Variants in MUC5B observed in about 807,000 individuals in gnomAD.
MUC5B encodes the protein mucin 5B, oligomeric mucus/gel-forming.
Under a neutral mutation model 376.9 loss-of-function variants are expected in MUC5B, and 116 were observed. The observed-to-expected ratio is 0.31, with a 90% CI of 0.26 to 0.36. The LOEUF (loss-of-function observed/expected upper bound fraction) is 0.36, where lower values mean the gene tolerates loss of function less well. Among genes scored for constraint, MUC5B ranks in the 10% least tolerant of loss-of-function variants. The probability of loss-of-function intolerance (pLI) is 1.00; values close to 1 mark genes in which losing one functional copy is unlikely to be tolerated. For missense variants in MUC5B, 7,165 were observed against 7,769.9 expected, an observed-to-expected ratio of 0.92 and a Z score of 2.93; for synonymous variants, 3,517 against 3,390.9, an observed-to-expected ratio of 1.04 and a Z score of -1.29.
At position 1,243,864 on chromosome 11, in the gene MUC5B, C is replaced by T. The variant is rs1231907280; in HGVS notation, c.6984C>T (p.Tyr2328=). ...CAWSEWLDYS[Y]PMPGPSGGDF... ...GGTCAGAGTGGCTGGACTACAGCTA[C>T]CCCATGCCGGGGCCCTCTGGCGGGG... is the stretch of plus-strand genomic sequence containing the variant. The change falls in exon 31 of 49, where the codon TAC becomes TAT. Residue 2328 remains tyrosine, a synonymous_variant. Transcript: ENST00000529681. The T allele has an allele frequency of 6.2e-7, 1 of 1,611,250 alleles. No individual in the cohort carries two copies. The highest frequency in any genetic ancestry group is 8.5e-7 in the Non-Finnish European group (1 of 1,179,518).
In MUC5B at chr11:1,223,365, C is replaced by T. The variant is rs532388487; in HGVS notation, c.70+172C>T. ...CCCAACACAGGGCTCTGGGGCCCCACGGGCTCACAGTGTCAGGAAACTCAG... is the reference window on the plus strand; with the variant it reads ...CCCAACACAGGGCTCTGGGGCCCCATGGGCTCACAGTGTCAGGAAACTCAG... On this transcript the variant is annotated intron_variant, in intron 1 of 48. Coordinates refer to ENST00000529681, the MANE Select transcript of MUC5B (RefSeq NM_002458.3). 3.5e-5 allele frequency: 24 copies of T among 687,778 alleles called. No individual in the cohort carries two copies. In the East Asian group the frequency reaches 3.8e-4, roughly 11 times the overall value. 42.6% of individuals were successfully genotyped at this position (687,778 alleles called of 1,614,324 possible). A position where few individuals can be genotyped will look rare whatever the true frequency, so the allele number is the denominator to read the frequency against.
intron 48 of MUC5B, among the ~76,000 whole-genome samples, 176 bp downstream of exon 48, chr11:1,260,904 G>C (rs1282624742): frequency 6.6e-6 from 1 of 152,196 alleles, no homozygotes; most frequent in Non-Finnish European, 1.5e-5. Context: ...GAAAGCCTGG[G>C]GCCGCTCTCC....
intron 23 of MUC5B, among the ~76,000 whole-genome samples, chr11:1,235,801 C>G (rs980420818): frequency 2.0e-5 from 3 of 151,614 alleles, no homozygotes; most frequent in Non-Finnish European, 3.0e-5. Context: ...TAGGGCCCCC[C>G]CCCGCCCCCA....
chr11:1,230,513 C>G lies in MUC5B; in HGVS notation c.1383C>G (p.Thr461=), dbSNP rs757243091. 4.3e-6 allele frequency: 7 copies of G among 1,609,900 alleles called. No homozygotes were observed. Among genetic ancestry groups the G allele is most frequent in the Non-Finnish European group, 5.9e-6 (7 of 1,178,206 alleles). Reference sequence around the variant, plus strand: ...AGAAATGTGCCGACAGCAGCTTCACCGTGCTGGCTGAGCTGCGGAAGTGCG... The same window carrying G: ...AGAAATGTGCCGACAGCAGCTTCACGGTGCTGGCTGAGCTGCGGAAGTGCG... ...LSKKCADSSF[T]VLAELRKCGL... is the part of the protein sequence containing the mutation. Residue 461 remains threonine, a synonymous_variant, in exon 12 of 49, where the codon ACC becomes ACG. Transcript: ENST00000529681.
rs1862517445 is a variant in MUC5B, at chr11:1,247,374, C to T, written c.10494C>T (p.Thr3498=). The T allele has an allele frequency of 5.0e-6, 8 of 1,610,646 alleles. No individual in the cohort carries two copies. The highest frequency in any genetic ancestry group is 6.8e-6 in the Non-Finnish European group (8 of 1,179,204). ...STVTSHTPAA[T]TSTTQHSTPA... ...TGACTTCCCACACCCCAGCAGCAAC[C>T]ACCAGTACCACCCAGCACTCGACTC... Residue 3498 remains threonine (T), a synonymous_variant, in exon 31 of 49, where the codon ACC becomes ACT. Coordinates refer to ENST00000529681, the MANE Select transcript of MUC5B (RefSeq NM_002458.3).
In MUC5B at chr11:1,247,506, A is replaced by G. The variant is rs71469870; in HGVS notation, c.10626A>G (p.Thr3542=). 1.6e-3 allele frequency: 2,536 copies of G among 1,604,374 alleles called. 65 individuals carry two copies. The African/African-American group carries it at 0.029, about 18-fold the overall frequency. The change falls in exon 31 of 49, where the codon ACA becomes ACG. Residue 3542 remains threonine (T), a synonymous_variant. Coordinates refer to ENST00000529681, the MANE Select transcript of MUC5B (RefSeq NM_002458.3). ...GGGGCACCTCCAGGACCACAGCCAC[A>G]GCCACACCCAGCAAGACCCGCACCT... ...HTRGTSRTTA[T]ATPSKTRTST...
Position 1,249,371 on chromosome 11 carries a change from C to A in MUC5B, c.12491C>A (p.Ala4164Asp). ...TCCAACATCCGTGCGGCCGGAGGGG[C>A]CGTCTGTGAGCAGCCCCTGGGCCTC... ...TYSNIRAAGG[A>D]VCEQPLGLEC... The change falls in exon 31 of 49, where the codon GCC becomes GAC. Residue 4164 changes from alanine to aspartate, a missense_variant. Coordinates refer to ENST00000529681, the MANE Select transcript of MUC5B (RefSeq NM_002458.3). 1 of 1,611,000 alleles carries A rather than the reference C, an allele frequency of 6.2e-7. No individual in the cohort carries two copies. The highest frequency in any genetic ancestry group is 8.5e-7 in the Non-Finnish European group (1 of 1,179,566).
At position 1,243,107 on chromosome 11, in the gene MUC5B, G is replaced by T. The variant is rs1298097998; in HGVS notation, c.6227G>T (p.Trp2076Leu). The change falls in exon 31 of 49, where the codon TGG becomes TTG. Residue 2076 changes from tryptophan to leucine, a missense_variant. By Grantham distance (61) the Trp-to-Leu change is moderately conservative. This residue lies in a region of MUC5B where 897 missense variants were observed against 779.6 expected (regional missense o/e 1.15). Coordinates refer to ENST00000529681, the MANE Select transcript of MUC5B (RefSeq NM_002458.3). ...SPGTALTPPV[W>L]ISTTTTPTTR... The stretch of plus-strand genomic sequence containing the variant: ...GGGACGGCACTCACGCCTCCAGTGT[G>T]GATCAGCACAACCACCACACCCACA... The T allele has an allele frequency of 5.0e-6, 8 of 1,609,674 alleles. No individual in the cohort carries two copies. The highest frequency in any genetic ancestry group is 6.8e-6 in the Non-Finnish European group (8 of 1,178,168).
In MUC5B at chr11:1,246,559, A is replaced by G. The variant is rs367805973; in HGVS notation, c.9679A>G (p.Ser3227Gly). The G allele has an allele frequency of 2.9e-5, 46 of 1,613,308 alleles. No individual in the cohort carries two copies. In the African/African-American group the frequency reaches 5.9e-4, roughly 21 times the overall value. The change falls in exon 31 of 49, where the codon AGC becomes GGC. Residue 3227 changes from serine to glycine, a missense_variant. Ser to Gly is a moderately conservative substitution (Grantham distance 56, BLOSUM62 0). Coordinates refer to ENST00000529681, the MANE Select transcript of MUC5B (RefSeq NM_002458.3). Reference protein sequence around the residue: ...GTATALPALRSTATTPTATSV... With the variant: ...GTATALPALRGTATTPTATSV... ...TGCAACCGCCCTTCCAGCACTGAGA[A>G]GCACAGCCACCACACCCACAGCTAC... is the stretch of plus-strand genomic sequence containing the variant.
Position 1,242,688 on chromosome 11 carries a change from C to T in MUC5B, c.5808C>T (p.Pro1936=). 6.2e-7 allele frequency: 1 copy of T among 1,613,742 alleles called. No individual in the cohort carries two copies. Among genetic ancestry groups the T allele is most frequent in the Non-Finnish European group, 8.5e-7 (1 of 1,179,776 alleles). ...PTSTLRTAPP[P]KVLTTTATTP... is the part of the protein sequence containing the mutation. Reference sequence around the variant, plus strand: ...CCACCCTGAGAACAGCTCCCCCTCCCAAAGTGCTGACCACCACGGCCACCA... The same window carrying T: ...CCACCCTGAGAACAGCTCCCCCTCCTAAAGTGCTGACCACCACGGCCACCA... Residue 1936 remains proline, a synonymous_variant, in exon 31 of 49, where the codon CCC becomes CCT. Coordinates refer to ENST00000529681, the MANE Select transcript of MUC5B (RefSeq NM_002458.3).
chr11:1,241,547 A>T lies in MUC5B; in HGVS notation c.4667A>T (p.Asn1556Ile), dbSNP rs748955577. The change falls in exon 31 of 49, where the codon AAC becomes ATC. Residue 1556 changes from asparagine (N) to isoleucine (I), a missense_variant. Around this residue, in one of 31 missense-constraint regions of MUC5B, gnomAD observed 517 missense variants for 545.3 expected, o/e 0.95. Coordinates refer to ENST00000529681, the MANE Select transcript of MUC5B (RefSeq NM_002458.3). Reference sequence around the variant, plus strand: ...GAGTGCCAGGCCGAGAGCTTCCCCAACTGGACCCTGGCACAGGTGGGGCAG... The same window carrying T: ...GAGTGCCAGGCCGAGAGCTTCCCCATCTGGACCCTGGCACAGGTGGGGCAG... The part of the protein sequence containing the change: ...DIECQAESFP[N>I]WTLAQVGQKV... The T allele has an allele frequency of 6.2e-7, 1 of 1,612,650 alleles. No individual in the cohort carries two copies. Among genetic ancestry groups the T allele is most frequent in the Non-Finnish European group, 8.5e-7 (1 of 1,179,482 alleles).
In MUC5B at chr11:1,240,350, C is replaced by T. The variant is rs55736173; in HGVS notation, c.3945C>T (p.Thr1315=). 1.2e-3 allele frequency: 1,970 copies of T among 1,604,244 alleles called. 21 individuals carry two copies. The African/African-American group carries it at 0.022, about 18-fold the overall frequency. Residue 1315 remains threonine, a synonymous_variant, in exon 30 of 49, where the codon ACC becomes ACT. Transcript: ENST00000529681. ...CCACAACGCCATTCACCTTCACCAC[C>T]GCCTGGGTCCCCCACTCCACGACAA... ...TPATTPFTFT[T]AWVPHSTTSP...
Position 1,258,172 on chromosome 11 carries a change from G to A in MUC5B, c.16524G>A (p.Glu5508=). 6.2e-7 allele frequency: 1 copy of A among 1,601,092 alleles called. No individual in the cohort carries two copies. Among genetic ancestry groups the A allele is most frequent in the Non-Finnish European group, 8.5e-7 (1 of 1,175,552 alleles). The part of the protein sequence containing the change: ...PPGQESICTQ[E]EGDCCPTFRC... ...GGCAGGAGTCCATCTGCACCCAGGA[G>A]GAGGGCGACTGCTGTCCCACCTTCC... is the stretch of plus-strand genomic sequence containing the variant. Residue 5508 remains glutamate (E), a synonymous_variant, in exon 42 of 49, where the codon GAG becomes GAA. Coordinates refer to ENST00000529681, the MANE Select transcript of MUC5B (RefSeq NM_002458.3). This position sits in a 1 kb window ranked among gnomAD's most constrained non-coding sequence, Gnocchi z 5.5.
chr11:1,257,556 C>T lies in MUC5B; in HGVS notation c.16296C>T (p.Cys5432=). 6.2e-7 allele frequency: 1 copy of T among 1,608,522 alleles called. No homozygotes were observed. Among genetic ancestry groups the T allele is most frequent in the Non-Finnish European group, 8.5e-7 (1 of 1,179,678 alleles). ...CCGGGGAGCGGTGGGTCAGCAACTG[C>T]CAGTCCTGCGTGTGTGACGAGGGTT... is the stretch of plus-strand genomic sequence containing the variant. ...KFPGERWVSN[C]QSCVCDEGSV... The change falls in exon 41 of 49, where the codon TGC becomes TGT. Residue 5432 remains cysteine, a synonymous_variant. Coordinates refer to ENST00000529681, the MANE Select transcript of MUC5B (RefSeq NM_002458.3). This position sits in a 1 kb window ranked among gnomAD's most constrained non-coding sequence, Gnocchi z 8.9.
chr11:1,246,387 T>G lies in MUC5B; in HGVS notation c.9507T>G (p.Thr3169=), dbSNP rs758651928. 1 of 1,611,068 alleles carries G rather than the reference T, an allele frequency of 6.2e-7. No individual in the cohort carries two copies. The highest frequency in any genetic ancestry group is 8.5e-7 in the Non-Finnish European group (1 of 1,179,042). The change falls in exon 31 of 49, where the codon ACT becomes ACG. Residue 3169 remains threonine, a synonymous_variant. Coordinates refer to ENST00000529681, the MANE Select transcript of MUC5B (RefSeq NM_002458.3). ...CCTGGATCCTCACAGAGCCCAGCAC[T>G]ACAGCCACCGTGACGGTGCCCACCG... The part of the protein sequence containing the change: ...GTTWILTEPS[T]TATVTVPTGS...
rs1862274016 is a variant in MUC5B, at chr11:1,241,180, C to T, written c.4300C>T (p.Pro1434Ser). The T allele has an allele frequency of 5.0e-6, 8 of 1,596,170 alleles. No individual in the cohort carries two copies. The highest frequency in any genetic ancestry group is 6.8e-6 in the Non-Finnish European group (8 of 1,171,828). ...VLCCEYVPCGPSPAPGTSPQP... is the reference protein window; with the variant it reads ...VLCCEYVPCGSSPAPGTSPQP... ...CTGCTGCGAATACGTGCCCTGTGGC[C>T]CCTCCCCGGCCCCAGGCACCAGCCC... The change falls in exon 31 of 49, where the codon CCC (proline) becomes TCC (serine). Residue 1434 changes from proline to serine, a missense_variant. This residue lies in a region of MUC5B where 517 missense variants were observed against 545.3 expected (regional missense o/e 0.95). Transcript: ENST00000529681.
At position 1,257,261 on chromosome 11, in the gene MUC5B, T is replaced by C. The variant is rs1469133104; in HGVS notation, c.16259T>C (p.Phe5420Ser). 1 of 779,930 alleles carries C rather than the reference T, an allele frequency of 1.3e-6. No individual in the cohort carries two copies. The highest frequency in any genetic ancestry group is 2.4e-6 in the Non-Finnish European group (1 of 418,308). The allele number at this position is 779,930 out of a possible 1,614,324, so 48.3% of individuals were successfully genotyped here. A position where few individuals can be genotyped will look rare whatever the true frequency, so the allele number is the denominator to read the frequency against. Reference protein sequence around the residue: ...QACPCVGPDGFPKFPGERWVS... With the variant: ...QACPCVGPDGSPKFPGERWVS... ...CCAGCCTGCGTGGGACCCGATGGGTTTCCTAAATTTGTGAGTGGCTCCACC... is the reference window on the plus strand; with the variant it reads ...CCAGCCTGCGTGGGACCCGATGGGTCTCCTAAATTTGTGAGTGGCTCCACC... Residue 5420 changes from phenylalanine (F) to serine (S), a missense_variant, in exon 40 of 49, where the codon TTT becomes TCT. By Grantham distance (155) the Phe-to-Ser change is radical. Transcript: ENST00000529681. The surrounding 1 kb of genome is among the most constrained non-coding windows in gnomAD (Gnocchi z 8.9).
At position 1,227,424 on chromosome 11, in the gene MUC5B, G is replaced by A. The variant is rs369891829; in HGVS notation, c.667+26G>A. ...GTGAGTGCCACCTGGGTGAGGGGGC[G>A]GTGACCAATTATGTCGGCCAACGAA... On this transcript the variant is annotated intron_variant, in intron 6 of 48. Coordinates refer to ENST00000529681, the MANE Select transcript of MUC5B (RefSeq NM_002458.3). The A allele has an allele frequency of 1.1e-4, 177 of 1,544,410 alleles. No individual in the cohort carries two copies. The African/African-American group carries it at 1.2e-3, about 10-fold the overall frequency.
rs938380802 is a variant in MUC5B at position 1,251,613 on chromosome 11, C to T, written c.14733C>T (p.Ser4911=). 6.2e-7 allele frequency: 1 copy of T among 1,613,034 alleles called. No homozygotes were observed. Among genetic ancestry groups the T allele is most frequent in the Non-Finnish European group, 8.5e-7 (1 of 1,179,786 alleles). ...GTTRTPAVLP[S]SLPTFSVSTV... Reference sequence around the variant, plus strand: ...CCCGCACCCCTGCAGTGCTCCCCAGCAGCCTGCCAACCTTCAGCGTGTCCA... The same window carrying T: ...CCCGCACCCCTGCAGTGCTCCCCAGTAGCCTGCCAACCTTCAGCGTGTCCA... Residue 4911 remains serine (S), a synonymous_variant, in exon 31 of 49, where the codon AGC becomes AGT. Coordinates refer to ENST00000529681, the MANE Select transcript of MUC5B (RefSeq NM_002458.3).
Sources: gnomAD v4.1 joint callset for allele counts (sites outside exome capture counted in the v4.1 genomes callset) on GRCh38, gnomAD v4.1.1 for gene constraint, gnomAD v4.1.1 regional missense constraint, Gnocchi (gnomAD v3.1) non-coding constraint, MANE v1.5 for transcripts, NCBI Gene and HGNC (gene_info 2026-07-23, HGNC 2026-07-21) for gene names.